The following TLN2 variants were observed in gnomAD, a reference collection of about 807,000 sequenced individuals.
The protein encoded by TLN2 is talin 2.
A neutral mutation model predicts 294.7 loss-of-function variants in TLN2; 118 were observed. The ratio of observed to expected loss-of-function variants is 0.40; its 90% CI spans 0.34 to 0.47. The LOEUF is 0.47. Among genes scored for constraint, TLN2 ranks in the 20% least tolerant of loss-of-function variants. TLN2 has a pLI of 0.84. For synonymous variants in TLN2, 1,431 were observed against 1,304.5 expected (o/e 1.10, Z -2.09); for missense variants, 3,083 against 3,282.2 (o/e 0.94, Z 1.48).
intron 1 of TLN2, among the ~76,000 whole-genome samples, chr15:62,539,243 T>C (rs2041534789): frequency 6.6e-6 from 1 of 152,194 alleles, no homozygotes; most frequent in South Asian, 2.1e-4. Context: ...TTTTCATTTT[T>C]ATACAGGTAA....
chr15:62,451,471 ATGG>A (rs1325807565), intron 1 of TLN2, among the ~76,000 whole-genome samples: 1 of 152,154 alleles, frequency 6.6e-6, no homozygotes, highest in Non-Finnish European at 1.5e-5. Context: ...CCTGGCTAAC[ATGG>A]GTGAAACCCC....
chr15:62,725,290 T>C (rs2060375476), intron 27 of TLN2, among the ~76,000 whole-genome samples, 186 bp downstream of exon 27: 1 of 152,222 alleles, frequency 6.6e-6, no homozygotes, highest in South Asian at 2.1e-4. Flanking sequence ...CGCTGGATTC[T>C]ACACTCAGCT....
chr15:62,424,657 T>G (rs552474065), intron 1 of TLN2, among the ~76,000 whole-genome samples: 1 of 152,246 alleles, frequency 6.6e-6, no homozygotes, highest in South Asian at 2.1e-4. Context: ...TTTTTCCTTT[T>G]TTTTTGTTTT....
chr15:62,712,154 G>A, intron 22 of TLN2, 77 bp downstream of exon 22: 6 of 1,538,350 alleles, frequency 3.9e-6, no homozygotes, highest in South Asian at 2.4e-5. Flanking sequence ...TCCAGATGGG[G>A]CATGGTCATC....
At chr15:62,811,905 A>G (rs1237002948) in intron 52 of TLN2, among the ~76,000 whole-genome samples, 1 of 151,830 alleles carries the variant, frequency 6.6e-6, no homozygotes, top group Non-Finnish European at 1.5e-5. Context: ...CTAGCTACTC[A>G]GGAGGCTGAG....
At chr15:62,612,980 T>G (rs1395145708) in intron 2 of TLN2, among the ~76,000 whole-genome samples, 2 of 152,172 alleles carry the variant, frequency 1.3e-5, no homozygotes, top group African/African-American at 4.8e-5. Context: ...CAAACAGCAT[T>G]TAGGAATGTA....
At chr15:62,662,453 G>A (rs2053961951) in intron 9 of TLN2, among the ~76,000 whole-genome samples, 1 of 152,126 alleles carries the variant, frequency 6.6e-6, no homozygotes, top group Admixed American at 6.5e-5. Context: ...ACAATAGAAA[G>A]CTTTTAAATT....
At chr15:62,395,449 T>G (rs2032465734) in intron 1 of TLN2, among the ~76,000 whole-genome samples, 2 of 152,124 alleles carry the variant, frequency 1.3e-5, no homozygotes, top group African/African-American at 4.8e-5. Context: ...TTGGTAATAC[T>G]CTCTGCTCGA....
chr15:62,436,155 G>T (rs887469950), intron 1 of TLN2, among the ~76,000 whole-genome samples: 3 of 152,166 alleles, frequency 2.0e-5, no homozygotes, highest in Non-Finnish European at 4.4e-5. Flanking sequence ...TTCTAATTCA[G>T]TTGTCTGCCT....
At chr15:62,722,221 T>C in intron 25 of TLN2, 132 bp from the exon 26 acceptor site, 1 of 1,019,268 alleles carries the variant, frequency 9.8e-7, no homozygotes, top group Non-Finnish European at 1.4e-6. Flanking sequence ...GAATAGGGGA[T>C]GAGTTGTTTA....
chr15:62,638,417 A>C (rs747677923), intron 3 of TLN2: 13 of 417,492 alleles, frequency 3.1e-5, no homozygotes, highest in Non-Finnish European at 6.2e-5. Context: ...CCAACAATAT[A>C]CTTAATGATG....
At chr15:62,785,568 C>G (rs1404103377) in intron 45 of TLN2, among the ~76,000 whole-genome samples, 1 of 148,698 alleles carries the variant, frequency 6.7e-6, no homozygotes, top group Non-Finnish European at 1.5e-5. Context: ...AGGAGAATTG[C>G]TTGAACCCGG....
At chr15:62,704,823 CCTTTA>C (rs2058953801) in intron 19 of TLN2, among the ~76,000 whole-genome samples, 1 of 152,178 alleles carries the variant, frequency 6.6e-6, no homozygotes, top group Non-Finnish European at 1.5e-5. Flanking sequence ...CTTGCATTGG[CCTTTA>C]CTTTTTATAT....
chr15:62,523,024 A>G (rs1275181092), intron 1 of TLN2, among the ~76,000 whole-genome samples: 2 of 151,386 alleles, frequency 1.3e-5, no homozygotes, highest in Non-Finnish European at 2.9e-5. Flanking sequence ...ACCCCCGACA[A>G]TTCTATGGAT....
intron 1 of TLN2, among the ~76,000 whole-genome samples, chr15:62,513,504 C>T (rs1221465852): frequency 6.6e-6 from 1 of 152,204 alleles, no homozygotes; most frequent in Non-Finnish European, 1.5e-5. Flanking sequence ...AGGGAAATGT[C>T]TTATAGCCTG....
chr15:62,630,718 T>C (rs911553391), intron 3 of TLN2, among the ~76,000 whole-genome samples: 7 of 152,194 alleles, frequency 4.6e-5, no homozygotes, highest in Non-Finnish European at 7.3e-5. Flanking sequence ...TTTTTGGCTT[T>C]CTGATTATGT....
intron 1 of TLN2, among the ~76,000 whole-genome samples, chr15:62,567,988 C>T (rs7359266): frequency 6.6e-6 from 1 of 152,174 alleles, no homozygotes; most frequent in African/African-American, 2.4e-5. Context: ...TAATCTGTAC[C>T]TTGTAACCAT....
chr15:62,533,079 C>T (rs2140501889), intron 1 of TLN2, among the ~76,000 whole-genome samples: 1 of 151,898 alleles, frequency 6.6e-6, no homozygotes, highest in African/African-American at 2.4e-5. Flanking sequence ...AGTGGTGAAA[C>T]CCTGTCTCTA....
rs1268915940 is a variant in TLN2 at position 62,779,208 on chromosome 15, G to A, written c.5515-1932G>A. Reference sequence around the variant, plus strand: ...CACTAGGAGGTTTGGAGACTCACAAGTGAGTATGAAGTAATCAGCTTTCCG... The same window carrying A: ...CACTAGGAGGTTTGGAGACTCACAAATGAGTATGAAGTAATCAGCTTTCCG... On this transcript the variant is annotated intron_variant, in intron 43 of 58. Transcript: ENST00000636159. Among the ~76,000 whole-genome samples the A allele has an allele frequency of 4.6e-5, 7 of 152,320 alleles. No homozygotes were observed. In the East Asian group the frequency reaches 1.2e-3, roughly 25 times the overall value.
Sources: gnomAD v4.1 joint callset for allele counts (sites outside exome capture counted in the v4.1 genomes callset) on GRCh38, gnomAD v4.1.1 for gene constraint, MANE v1.5 for transcripts, NCBI Gene and HGNC (gene_info 2026-07-23, HGNC 2026-07-21) for gene names.